Variants in CTNNA2 observed in about 807,000 individuals in gnomAD.
The protein encoded by CTNNA2 is catenin alpha-2.
Under a neutral mutation model 101.0 loss-of-function variants are expected in CTNNA2, and 42 were observed. The ratio of observed to expected loss-of-function variants is 0.42; its 90% CI spans 0.32 to 0.54. The LOEUF is 0.54. CTNNA2 is among the 20% of genes least tolerant of loss of function. CTNNA2 has a pLI of 0.14. For missense variants in CTNNA2, 871 were observed against 1,223.1 expected (o/e 0.71, Z 4.29); for synonymous variants, 450 against 456.4 (o/e 0.99, Z 0.18).
intron 6 of CTNNA2, among the ~76,000 whole-genome samples, chr2:79,887,705 T>C (rs72918639): frequency 6.6e-6 from 1 of 152,172 alleles, no homozygotes; most frequent in Non-Finnish European, 1.5e-5. Flanking sequence ...TTTTTGATAC[T>C]TTTTTGAAAA....
At chr2:80,192,811 G>A (rs1204743880) in intron 7 of CTNNA2, among the ~76,000 whole-genome samples, 1 of 152,136 alleles carries the variant, frequency 6.6e-6, no homozygotes, top group Admixed American at 6.5e-5. Flanking sequence ...CCGCACCCGT[G>A]CACTAATCTG....
intron 4 of CTNNA2, among the ~76,000 whole-genome samples, chr2:79,412,020 C>G (rs1281566151): frequency 6.6e-6 from 1 of 152,010 alleles, no homozygotes. Context: ...GCAAGACACA[C>G]ATAGGCTCAA....
chr2:79,620,403 T>A (rs928852561), intron 1 of CTNNA2, among the ~76,000 whole-genome samples: 2 of 152,208 alleles, frequency 1.3e-5, no homozygotes, highest in Non-Finnish European at 2.9e-5. Context: ...TACATTCCTT[T>A]CAGGATAGTG....
At chr2:80,037,381 A>G (rs1695735187) in intron 7 of CTNNA2, among the ~76,000 whole-genome samples, 1 of 152,226 alleles carries the variant, frequency 6.6e-6, no homozygotes, top group Non-Finnish European at 1.5e-5. Context: ...TACTGCAAAA[A>G]AAATGATCCT....
intron 1 of CTNNA2, among the ~76,000 whole-genome samples, chr2:79,536,068 A>G: frequency 6.6e-6 from 1 of 152,234 alleles, no homozygotes; most frequent in Non-Finnish European, 1.5e-5. Flanking sequence ...GAGGGGTCAC[A>G]GCAGGGAAGA....
At chr2:80,417,167 ATGTT>A (rs907746087) in intron 8 of CTNNA2, among the ~76,000 whole-genome samples, 3 of 151,730 alleles carry the variant, frequency 2.0e-5, no homozygotes, top group East Asian at 1.9e-4. Context: ...TAACATATAT[ATGTT>A]TGTGGAGTAC....
chr2:79,648,184 C>T (rs954319750), intron 1 of CTNNA2, among the ~76,000 whole-genome samples: 1 of 152,162 alleles, frequency 6.6e-6, no homozygotes, highest in Non-Finnish European at 1.5e-5. Context: ...GGCGGGATGA[C>T]ATTCTCAGTT....
At chr2:79,744,603 G>T in intron 3 of CTNNA2, 21 bp downstream of exon 3, 1 of 1,607,884 alleles carries the variant, frequency 6.2e-7, no homozygotes, top group Non-Finnish European at 8.5e-7. Flanking sequence ...TGATATTATT[G>T]TTCAAGGCGG....
chr2:79,725,775 C>A (rs1686798880), intron 2 of CTNNA2, among the ~76,000 whole-genome samples: 1 of 151,962 alleles, frequency 6.6e-6, no homozygotes, highest in African/African-American at 2.4e-5. Flanking sequence ...AAAACTTTAC[C>A]ACCCATAGAT....
rs114043657 is a variant in CTNNA2, at chr2:79,761,416, A to G, written c.298+16834A>G. Among the ~76,000 whole-genome samples, 987 of 152,350 alleles carry G rather than the reference A, an allele frequency of 6.5e-3. 8 individuals are homozygous for G. The highest frequency in any genetic ancestry group is 0.022 in the African/African-American group (930 of 41,580). The stretch of plus-strand genomic sequence containing the variant: ...TAAATAACTAATGCTATGTAAGTCA[A>G]TGCATATTATTGAAATATTTTTAGT... On this transcript the variant is annotated intron_variant, in intron 3 of 18. Transcript: ENST00000402739.
intron 6 of CTNNA2, among the ~76,000 whole-genome samples, chr2:79,888,782 C>G (rs1471275910): frequency 1.3e-5 from 2 of 152,034 alleles, no homozygotes; most frequent in Non-Finnish European, 2.9e-5. Flanking sequence ...CTGATTTCAC[C>G]TTTATTTCAA....
At chr2:80,588,285 A>C (rs1356385145) in intron 14 of CTNNA2, among the ~76,000 whole-genome samples, 1 of 152,154 alleles carries the variant, frequency 6.6e-6, no homozygotes, top group African/African-American at 2.4e-5. Flanking sequence ...AGCCATTTTA[A>C]ACAGCAAAGT....
chr2:79,241,608 T>G (rs1357734851), intron 2 of CTNNA2, among the ~76,000 whole-genome samples: 1 of 152,214 alleles, frequency 6.6e-6, no homozygotes, highest in Non-Finnish European at 1.5e-5. Flanking sequence ...ATTCACTGTA[T>G]TCCAGAATAT....
intron 7 of CTNNA2, among the ~76,000 whole-genome samples, chr2:80,320,730 G>A (rs917191829): frequency 2.0e-5 from 3 of 151,952 alleles, no homozygotes; most frequent in South Asian, 2.1e-4. Context: ...AATATTTTAC[G>A]CTTAAATATT....
At chr2:79,940,823 C>T (rs189981038) in intron 7 of CTNNA2, among the ~76,000 whole-genome samples, 1 of 152,128 alleles carries the variant, frequency 6.6e-6, no homozygotes, top group Non-Finnish European at 1.5e-5. Context: ...TTAAATATCT[C>T]ATGTAATTTA....
chr2:79,354,666 C>T (rs752180672), intron 3 of CTNNA2, among the ~76,000 whole-genome samples: 1 of 152,132 alleles, frequency 6.6e-6, no homozygotes, highest in African/African-American at 2.4e-5. Flanking sequence ...CTCTGGGAGG[C>T]TCCCTGCCAG....
intron 2 of CTNNA2, among the ~76,000 whole-genome samples, chr2:79,687,923 G>T (rs1684046731): frequency 6.6e-6 from 1 of 152,030 alleles, no homozygotes; most frequent in Non-Finnish European, 1.5e-5. Context: ...TTGAACAGGA[G>T]AATCTCCGTA....
At chr2:79,818,185 A>G (rs922517944) in intron 3 of CTNNA2, among the ~76,000 whole-genome samples, 1 of 152,184 alleles carries the variant, frequency 6.6e-6, no homozygotes, top group Non-Finnish European at 1.5e-5. Flanking sequence ...GGAAGAAGGA[A>G]GTTTGCTCTT....
At chr2:79,696,404 A>C (rs141650834) in intron 2 of CTNNA2, among the ~76,000 whole-genome samples, 3 of 152,088 alleles carry the variant, frequency 2.0e-5, no homozygotes, top group Non-Finnish European at 4.4e-5. Context: ...TGCAACAGCC[A>C]GAAGACTCTG....
Sources: allele counts gnomAD v4.1 joint callset (sites outside exome capture counted in the v4.1 genomes callset), GRCh38; gene constraint gnomAD v4.1.1; transcripts MANE v1.5; gene names NCBI Gene and HGNC (gene_info 2026-07-23, HGNC 2026-07-21).